PTPRB: variants seen among roughly 807,000 people sequenced by gnomAD.
The protein encoded by PTPRB is protein tyrosine phosphatase receptor type B, also known as receptor-type tyrosine-protein phosphatase beta.
A neutral mutation model predicts 238.1 loss-of-function variants in PTPRB; 97 were observed. The observed-to-expected ratio is 0.41, with a 90% CI of 0.35 to 0.48. PTPRB has a LOEUF of 0.48. Ranked by LOEUF, PTPRB falls within the 20% of genes least tolerant of loss-of-function variation. The probability of loss-of-function intolerance (pLI) is 0.30; values close to 1 mark genes in which losing one functional copy is unlikely to be tolerated. For missense variants in PTPRB, 2,292 were observed against 2,681.9 expected (o/e 0.85, Z 3.21); for synonymous variants, 970 against 995.4 (o/e 0.97, Z 0.48).
At chr12:70,528,377 G>C (rs1197109091) in intron 32 of PTPRB, among the ~76,000 whole-genome samples, 1 of 152,104 alleles carries the variant, frequency 6.6e-6, no homozygotes, top group Admixed American at 6.6e-5. Context: ...AGCTGGCAGA[G>C]TCAGCAAGGG....
chr12:70,558,302 C>G (rs552349060), intron 18 of PTPRB, among the ~76,000 whole-genome samples: 75 of 152,162 alleles, frequency 4.9e-4, no homozygotes, highest in Non-Finnish European at 9.6e-4. Context: ...ACATATTTCT[C>G]TTGACACACA....
chr12:70,600,734 C>T (rs995935136), intron 4 of PTPRB, among the ~76,000 whole-genome samples: 3 of 152,170 alleles, frequency 2.0e-5, no homozygotes, highest in African/African-American at 7.2e-5. Flanking sequence ...CTTGCTCTGT[C>T]ACCCGGGCTG....
chr12:70,618,672 A>AG (rs1884785136), intron 3 of PTPRB, among the ~76,000 whole-genome samples: 1 of 152,230 alleles, frequency 6.6e-6, no homozygotes, highest in African/African-American at 2.4e-5. Flanking sequence ...AATTGATCAA[A>AG]GTATTTCCTG....
Position 70,592,488 on chromosome 12 carries a change from T to G in PTPRB, c.1574A>C (p.Lys525Thr). ...TCCAGGAGGTCTTTGCCATTTGACT[T>G]TTAGAGAGGTCAAACTGCCATCATT... ...VTNDGSLTSL[K>T]VKWQRPPGNV... The change falls in exon 7 of 34, where the codon AAA becomes ACA. Residue 525 changes from lysine (K) to threonine (T), a missense_variant. By Grantham distance (78) the Lys-to-Thr change is moderately conservative. Coordinates refer to ENST00000334414, the MANE Select transcript of PTPRB (RefSeq NM_001109754.4). The G allele has an allele frequency of 1.2e-5, 20 of 1,613,834 alleles. No individual in the cohort carries two copies. The highest frequency in any genetic ancestry group is 1.6e-5 in the Non-Finnish European group (19 of 1,179,808).
In PTPRB at chr12:70,566,649, T is replaced by G; in HGVS notation, c.3690A>C (p.Leu1230Phe). The G allele has an allele frequency of 1.9e-6, 3 of 1,614,010 alleles. No homozygotes were observed. The highest frequency in any genetic ancestry group is 1.7e-6 in the Non-Finnish European group (2 of 1,179,882). ...CAGCAGCTTTTTGCCAACTTACTAT[T>G]AAGGAATAACTGCTGTATGCATTGT... ...IADNAYSSYS[L>F]IVSWQKAAGV... The change falls in exon 15 of 34, where the codon TTA becomes TTC. Residue 1230 changes from leucine to phenylalanine, a missense_variant. By Grantham distance (22) the Leu-to-Phe change is conservative (BLOSUM62 0). Around this residue, in one of 4 missense-constraint regions of PTPRB, gnomAD observed 683 missense variants for 862.0 expected, o/e 0.79. Coordinates refer to ENST00000334414, the MANE Select transcript of PTPRB (RefSeq NM_001109754.4).
At chr12:70,608,619 T>C (rs1233098370) in intron 4 of PTPRB, 1 of 159,500 alleles carries the variant, frequency 6.3e-6, no homozygotes, top group Non-Finnish European at 1.4e-5. Context: ...GGCTCCATTC[T>C]ATTCCTGCAG....
rs545637557 is a variant in PTPRB at position 70,627,334 on chromosome 12, G to A, written c.452-4688C>T. 1.4e-4 allele frequency among the ~76,000 whole-genome samples: 22 copies of A among 152,258 alleles called. No homozygotes were observed. The South Asian group carries it at 2.3e-3, about 16-fold the overall frequency. ...CTGGAAAGGGGGTGAATAACTTGGC[G>A]TGCGCAGGACTGACTTGTCCATTAG... On this transcript the variant is annotated intron_variant, in intron 2 of 33. Transcript: ENST00000334414.
In PTPRB at chr12:70,520,073, A is replaced by G. The variant is rs909130410; in HGVS notation, c.*1416T>C. 3.1e-5 allele frequency: 11 copies of G among 359,050 alleles called. No homozygotes were observed. The East Asian group carries it at 4.9e-4, about 16-fold the overall frequency. 22.2% of individuals were successfully genotyped at this position (359,050 alleles called of 1,614,324 possible). ...TGCAAAGGAAGCTATGCCATCAACA[A>G]ACTTGACCTCTAATTCCCAAGTTTA... On this transcript the variant is annotated 3_prime_UTR_variant, in exon 34 of 34. Coordinates refer to ENST00000334414, the MANE Select transcript of PTPRB (RefSeq NM_001109754.4).
At chr12:70,565,993 G>T (rs898220507) in intron 15 of PTPRB, among the ~76,000 whole-genome samples, 2 of 152,088 alleles carry the variant, frequency 1.3e-5, no homozygotes, top group African/African-American at 2.4e-5. Context: ...GTTGGGAGGG[G>T]GACACGAGCC....
At chr12:70,539,322 CA>C (rs1395962208) in intron 26 of PTPRB, 5 of 534,856 alleles carry the variant, frequency 9.3e-6, no homozygotes, top group Non-Finnish European at 1.7e-5. Context: ...TCCAGCCAAG[CA>C]AATGGCCAGG....
chr12:70,539,085 G>T, intron 26 of PTPRB, 71 bp from the exon 27 acceptor site: 1 of 1,191,298 alleles, frequency 8.4e-7, no homozygotes, highest in Non-Finnish European at 1.2e-6. Context: ...CAGTCCTGGA[G>T]ATAACATAAT....
chr12:70,618,272 AATTTTTTT>A (rs1884768003), intron 3 of PTPRB, among the ~76,000 whole-genome samples: 1 of 151,680 alleles, frequency 6.6e-6, no homozygotes, highest in South Asian at 2.1e-4. Context: ...GGTAATTTTT[AATTTTTTT>A]ATTTTTTCTT....
Position 70,596,245 on chromosome 12 carries a change from G to T in PTPRB, c.1062C>A (p.Ser354=). ...TSLHVWWTPS[S]GKVTSYEVQL... ...GCACCTCATATGAGGTGACTTTTCC[G>T]GAAGAAGGAGTCCACCAAACATGCA... The change falls in exon 5 of 34, where the codon TCC becomes TCA. Residue 354 remains serine, a synonymous_variant. Transcript: ENST00000334414. The T allele has an allele frequency of 1.9e-6, 3 of 1,612,816 alleles. No individual in the cohort carries two copies. The highest frequency in any genetic ancestry group is 2.5e-6 in the Non-Finnish European group (3 of 1,179,628).
Position 70,569,681 on chromosome 12 carries a change from G to T in PTPRB, c.3628C>A (p.Arg1210=). The T allele has an allele frequency of 1.2e-6, 2 of 1,613,672 alleles. No individual in the cohort carries two copies. Among genetic ancestry groups the T allele is most frequent in the Non-Finnish European group, 1.7e-6 (2 of 1,179,844 alleles). Residue 1210 remains arginine, a synonymous_variant, in exon 14 of 34, where the codon CGG becomes AGG. Coordinates refer to ENST00000334414, the MANE Select transcript of PTPRB (RefSeq NM_001109754.4). ...TCTCCAGGTGGATGCTTACCTGTCC[G>T]CCCAACCACATTTATCTGATTCTTC... ...SLKNQINVVG[R]TVPASVQGVI...
At chr12:70,585,457 G>A (rs1881807364) in intron 9 of PTPRB, among the ~76,000 whole-genome samples, 1 of 151,878 alleles carries the variant, frequency 6.6e-6, no homozygotes, top group Non-Finnish European at 1.5e-5. Flanking sequence ...GTCCAAGGAG[G>A]GAGGTGACTG....
chr12:70,570,945 C>A, intron 13 of PTPRB, 81 bp downstream of exon 13: 1 of 1,476,214 alleles, frequency 6.8e-7, no homozygotes, highest in Non-Finnish European at 9.2e-7. Flanking sequence ...CCTCCAAATG[C>A]TCAATCGAAA....
At chr12:70,535,967 G>C (rs921415811) in intron 29 of PTPRB, 58 bp downstream of exon 29, 1 of 1,600,172 alleles carries the variant, frequency 6.2e-7, no homozygotes. Context: ...TGATGGGGCA[G>C]AATTCTATCC....
At chr12:70,629,114 G>A (rs1477950383) in intron 2 of PTPRB, among the ~76,000 whole-genome samples, 1 of 152,068 alleles carries the variant, frequency 6.6e-6, no homozygotes, top group African/African-American at 2.4e-5. Flanking sequence ...CTATTAATAT[G>A]ATAAACTCTT....
At chr12:70,630,433 C>T (rs989969665) in intron 2 of PTPRB, among the ~76,000 whole-genome samples, 1 of 152,098 alleles carries the variant, frequency 6.6e-6, no homozygotes, top group African/African-American at 2.4e-5. Context: ...ATAATAAGAG[C>T]TATTTATGAT....
Sources: gnomAD v4.1 joint callset for allele counts (sites outside exome capture counted in the v4.1 genomes callset) on GRCh38, gnomAD v4.1.1 for gene constraint, gnomAD v4.1.1 regional missense constraint, MANE v1.5 for transcripts, NCBI Gene and HGNC (gene_info 2026-07-23, HGNC 2026-07-21) for gene names.